Variants in ZC4H2 observed in about 807,000 individuals in gnomAD.
ZC4H2 encodes zinc finger C4H2-type containing.
For missense variants in ZC4H2, 137 were observed against 173.9 expected, an observed-to-expected ratio of 0.79 and a Z score of 1.19; for synonymous variants, 84 against 66.3, an observed-to-expected ratio of 1.27 and a Z score of -1.30.
At position 64,918,978 on chromosome X, in the gene ZC4H2, C is replaced by G. The variant is rs1929054054; in HGVS notation, c.561+64G>C. 4.5e-6 allele frequency: 5 copies of G among 1,114,679 alleles called. No homozygotes were observed. The South Asian group carries it at 1.2e-4, about 26-fold the overall frequency. 91.9% of individuals were successfully genotyped at this position (1,114,679 alleles called of 1,213,427 possible). A position where few individuals can be genotyped will look rare whatever the true frequency, so the allele number is the denominator to read the frequency against. ...ATAAAGCCAAAGACCCAGAACTAGC[C>G]TTCCACGGCCCTTCCATGGGAGGAT... On this transcript the variant is annotated intron_variant, in intron 4 of 4. Coordinates refer to ENST00000374839, the MANE Select transcript of ZC4H2 (RefSeq NM_018684.4).
At chrX:64,927,592 A>G (rs1454215981) in intron 1 of ZC4H2, among the ~76,000 whole-genome samples, 2 of 112,137 alleles carry the variant, frequency 1.8e-5, no homozygotes, top group Admixed American at 1.9e-4. Context: ...CAATAAACAT[A>G]TGTGTGCATG....
chrX:64,992,583 A>C (rs998098032), intron 1 of ZC4H2, among the ~76,000 whole-genome samples: 1 of 111,630 alleles, frequency 9.0e-6, no homozygotes, highest in African/African-American at 3.3e-5. Context: ...CCCAGGGACC[A>C]AAACTAGTCA....
intron 1 of ZC4H2, among the ~76,000 whole-genome samples, chrX:65,025,462 T>C (rs745699277): frequency 5.7e-4 from 63 of 111,407 alleles, no homozygotes; most frequent in Non-Finnish European, 1.1e-3. Flanking sequence ...ACTTTGGTTA[T>C]CTAAATGGTA....
At chrX:64,985,751 C>T (rs962714158) in intron 1 of ZC4H2, among the ~76,000 whole-genome samples, 20 of 111,562 alleles carry the variant, frequency 1.8e-4, no homozygotes, top group Non-Finnish European at 3.8e-5. Context: ...TTGCAGGCAC[C>T]GTTAGAAACC....
At chrX:65,011,775 G>A (rs1932756945) in intron 1 of ZC4H2, among the ~76,000 whole-genome samples, 1 of 109,025 alleles carries the variant, frequency 9.2e-6, no homozygotes, top group Non-Finnish European at 1.9e-5. Flanking sequence ...AAGTGCAGTG[G>A]TGCAATCTTG....
At chrX:64,925,197 T>C (rs1318945631) in intron 1 of ZC4H2, among the ~76,000 whole-genome samples, 1 of 111,596 alleles carries the variant, frequency 9.0e-6, no homozygotes, top group Non-Finnish European at 1.9e-5. Context: ...ATAGGGTTTG[T>C]GTGTGTGCAC....
chrX:65,007,989 C>T (rs1353712023), intron 1 of ZC4H2, among the ~76,000 whole-genome samples: 3 of 111,267 alleles, frequency 2.7e-5, no homozygotes, highest in Admixed American at 9.6e-5. Flanking sequence ...AAAGCTTCTG[C>T]ACAGCAATGG....
At chrX:64,958,967 G>C (rs976255990) in intron 1 of ZC4H2, among the ~76,000 whole-genome samples, 1 of 111,145 alleles carries the variant, frequency 9.0e-6, no homozygotes, top group Non-Finnish European at 1.9e-5. Flanking sequence ...TAGACCCTCT[G>C]ATTTTCAGCT....
intron 1 of ZC4H2, among the ~76,000 whole-genome samples, chrX:65,012,650 T>C (rs908743995): frequency 8.9e-6 from 1 of 112,246 alleles, no homozygotes; most frequent in Non-Finnish European, 1.9e-5. Context: ...CCCAGTTCTC[T>C]ACATGACTAC....
chrX:64,942,156 C>G (rs1037911488), intron 1 of ZC4H2, among the ~76,000 whole-genome samples: 4 of 111,224 alleles, frequency 3.6e-5, no homozygotes, highest in African/African-American at 1.3e-4. Flanking sequence ...TCCATTTCTT[C>G]TAGATTTTTC....
intron 1 of ZC4H2, among the ~76,000 whole-genome samples, chrX:64,996,962 T>G (rs1932426554): frequency 8.9e-6 from 1 of 112,141 alleles, no homozygotes; most frequent in South Asian, 3.7e-4. Flanking sequence ...CTTCCAAAAT[T>G]TGATGAAAGG....
chrX:65,004,572 G>T (rs955309531), intron 1 of ZC4H2, among the ~76,000 whole-genome samples: 1 of 111,782 alleles, frequency 8.9e-6, no homozygotes, highest in African/African-American at 3.3e-5. Context: ...GGTATTGATG[G>T]AACATATCTC....
intron 1 of ZC4H2, among the ~76,000 whole-genome samples, chrX:64,926,365 A>G (rs1460159919): frequency 4.5e-5 from 5 of 112,341 alleles, no homozygotes; most frequent in African/African-American, 1.6e-4. Flanking sequence ...TAAAGCCACT[A>G]TGAATATCCA....
At chrX:65,030,310 C>T (rs1312776727) in intron 1 of ZC4H2, among the ~76,000 whole-genome samples, 2 of 109,393 alleles carry the variant, frequency 1.8e-5, no homozygotes, top group African/African-American at 6.7e-5. Flanking sequence ...TTGTACAGAC[C>T]GGGTTTTGCT....
At chrX:64,962,007 T>C (rs183002968) in intron 1 of ZC4H2, among the ~76,000 whole-genome samples, 50 of 111,406 alleles carry the variant, frequency 4.5e-4, no homozygotes, top group African/African-American at 1.6e-3. Flanking sequence ...TTAATGCCAA[T>C]CCTTTTCAAG....
intron 1 of ZC4H2, among the ~76,000 whole-genome samples, chrX:64,925,031 G>A (rs2032963659): frequency 9.0e-6 from 1 of 111,308 alleles, no homozygotes; most frequent in Admixed American, 9.6e-5. Context: ...CACATTATGT[G>A]GTGAGGATTA....
chrX:64,985,007 C>T (rs1253803832), intron 1 of ZC4H2, among the ~76,000 whole-genome samples: 2 of 112,128 alleles, frequency 1.8e-5, no homozygotes, highest in African/African-American at 6.5e-5. Flanking sequence ...ACTCCATCCA[C>T]GTTGCTGCAA....
intron 1 of ZC4H2, among the ~76,000 whole-genome samples, chrX:64,930,216 T>C (rs1190514847): frequency 1.8e-5 from 2 of 112,017 alleles, no homozygotes; most frequent in African/African-American, 6.5e-5. Flanking sequence ...TGTACATTGA[T>C]GTTGTATCCT....
rs751059625 is a variant in ZC4H2 at position 64,999,436 on chromosome X, C to T, written c.-272+35193G>A. Among the ~76,000 whole-genome samples, 11 of 112,474 alleles carry T rather than the reference C, an allele frequency of 9.8e-5. No individual in the cohort carries two copies. In the South Asian group the frequency reaches 1.8e-3, roughly 19 times the overall value. ...GATACTATGCTTTGCCCATGATCTT[C>T]GCAACCTGCAGACCAGGAGATTCCC... On this transcript the variant is annotated intron_variant, in intron 1 of 4. Transcript: ENST00000337990.
Sources: gnomAD v4.1 joint callset for allele counts (sites outside exome capture counted in the v4.1 genomes callset) on GRCh38, gnomAD v4.1.1 for gene constraint, MANE v1.5 for transcripts, NCBI Gene and HGNC (gene_info 2026-07-23, HGNC 2026-07-21) for gene names.